RNF130: variants seen among roughly 807,000 people sequenced by gnomAD.
The protein encoded by RNF130 is ring finger protein 130.
RNF130 carries 21 observed loss-of-function variants against 44.6 expected under a neutral mutation model. The observed-to-expected ratio is 0.47, with a 90% CI of 0.33 to 0.68. The LOEUF is 0.68. Among genes scored for constraint, RNF130 ranks in the 30% least tolerant of loss-of-function variants. The probability of loss-of-function intolerance (pLI) is 0.02; values close to 1 mark genes in which losing one functional copy is unlikely to be tolerated. For missense variants in RNF130, 479 were observed against 560.6 expected, an observed-to-expected ratio of 0.85 and a Z score of 1.47; for synonymous variants, 214 against 210.4, an observed-to-expected ratio of 1.02 and a Z score of -0.15.
intron 7 of RNF130, among the ~76,000 whole-genome samples, chr5:179,946,704 C>T (rs371975250): frequency 6.6e-6 from 1 of 152,026 alleles, no homozygotes; most frequent in Non-Finnish European, 1.5e-5. Flanking sequence ...CAGGCGCCCG[C>T]CACCACGCCC....
intron 1 of RNF130, among the ~76,000 whole-genome samples, chr5:180,055,253 AAAAAAAAAAAAAAAAAAAAAAAAAAAAC>A (rs1296109125): frequency 2.8e-5 from 1 of 36,194 alleles, no homozygotes; most frequent in Non-Finnish European, 5.5e-5. Flanking sequence ...TGTCTCAAAA[AAAAAAAAAAAAAAAAAAAAAAAAAAAAC>A]AAAAAAAAAC....
chr5:179,942,117 TAG>T (rs957335150), intron 7 of RNF130, among the ~76,000 whole-genome samples: 5 of 139,802 alleles, frequency 3.6e-5, no homozygotes, highest in Admixed American at 3.2e-4. Context: ...CTATTCTAAT[TAG>T]AGTCACTAAT....
intron 1 of RNF130, among the ~76,000 whole-genome samples, chr5:180,049,727 AT>A (rs2113157030): frequency 6.6e-6 from 1 of 152,256 alleles, no homozygotes; most frequent in Non-Finnish European, 1.5e-5. Flanking sequence ...CGCTTAGTCT[AT>A]TTGCATATGT....
At chr5:180,013,382 G>C in intron 2 of RNF130, 71 bp from the exon 3 acceptor site, 4 of 1,325,760 alleles carry the variant, frequency 3.0e-6, no homozygotes, top group Non-Finnish European at 4.1e-6. Flanking sequence ...GTATCAACAC[G>C]CTACTTAGGT....
At chr5:180,035,874 T>C (rs1764237653) in intron 2 of RNF130, among the ~76,000 whole-genome samples, 1 of 152,246 alleles carries the variant, frequency 6.6e-6, no homozygotes, top group Non-Finnish European at 1.5e-5. Context: ...TTTTATGTTC[T>C]TTACTGAGAA....
chr5:179,975,018 C>A (rs1429140056), intron 5 of RNF130, among the ~76,000 whole-genome samples: 1 of 152,224 alleles, frequency 6.6e-6, no homozygotes, highest in Non-Finnish European at 1.5e-5. Flanking sequence ...AACACACCTG[C>A]AGGTGCTGCT....
intron 8 of RNF130, among the ~76,000 whole-genome samples, chr5:179,961,242 C>G (rs1433405635): frequency 1.3e-5 from 2 of 152,288 alleles, no homozygotes; most frequent in African/African-American, 2.4e-5. Context: ...ACAACATGCA[C>G]GCACACACAC....
exon 8 of RNF130, chr5:179,916,540 G>A (rs1761548128): frequency 6.6e-6 from 1 of 152,224 alleles, no homozygotes; most frequent in Non-Finnish European, 1.5e-5. Flanking sequence ...AATATCATCA[G>A]ACTCACTGGC....
At chr5:179,915,689 C>T (rs1238836906) in exon 8 of RNF130, 1 of 152,324 alleles carries the variant, frequency 6.6e-6, no homozygotes, top group Admixed American at 6.6e-5. Flanking sequence ...GCCTCCCTGA[C>T]CCCCAGTGCG....
chr5:180,071,545 G>A lies in RNF130; in HGVS notation c.158C>T (p.Thr53Met). 2.8e-6 allele frequency: 4 copies of A among 1,412,538 alleles called. No individual in the cohort carries two copies. The highest frequency in any genetic ancestry group is 3.7e-6 in the Non-Finnish European group (4 of 1,074,638). The allele number at this position is 1,412,538 out of a possible 1,614,324, so 87.5% of individuals were successfully genotyped here. ...VQEPGRGAPL[T>M]FRIDRGRYGL... The stretch of plus-strand genomic sequence containing the variant: ...GTAGCGCCCGCGGTCGATGCGAAAC[G>A]TGAGCGGGGCGCCGCGGCCGGGCTC... The change falls in exon 1 of 9, where the codon ACG becomes ATG. Residue 53 changes from threonine (T) to methionine (M), a missense_variant. Coordinates refer to ENST00000521389, the MANE Select transcript of RNF130 (RefSeq NM_018434.6).
At position 179,955,184 on chromosome 5, in the gene RNF130, T is replaced by G. The variant is rs907412159; in HGVS notation, c.*470A>C. ...GCTGCTGGGGGTGCTGCAGCTCTGG[T>G]GGAGGCTGATCAACCACAGAGAAGA... On this transcript the variant is annotated 3_prime_UTR_variant, in exon 9 of 9. Coordinates refer to ENST00000521389, the MANE Select transcript of RNF130 (RefSeq NM_018434.6). 2 of 153,562 alleles carry G rather than the reference T, an allele frequency of 1.3e-5. No homozygotes were observed. The highest frequency in any genetic ancestry group is 1.4e-5 in the Non-Finnish European group (1 of 69,040). 9.5% of individuals were successfully genotyped at this position (153,562 alleles called of 1,614,324 possible).
chr5:179,957,978 C>G (rs1278216948), intron 8 of RNF130, among the ~76,000 whole-genome samples: 1 of 151,032 alleles, frequency 6.6e-6, no homozygotes, highest in African/African-American at 2.4e-5. Context: ...CCCGGGTTCA[C>G]GCCATTCTCC....
chr5:180,018,624 T>C (rs999717050), intron 2 of RNF130, among the ~76,000 whole-genome samples: 5 of 152,206 alleles, frequency 3.3e-5, no homozygotes, highest in Admixed American at 6.5e-5. Context: ...CTACTTGTAT[T>C]ATTACTCACA....
rs931049937 is a variant in RNF130, at chr5:179,977,793, A to G, written c.848+410T>C. Among the ~76,000 whole-genome samples the G allele has an allele frequency of 6.6e-5, 10 of 152,190 alleles. No homozygotes were observed. The highest frequency in any genetic ancestry group is 1.9e-4 in the African/African-American group (8 of 41,466). ...CATGAACCCAGGAGGCGGAGCTTGC[A>G]GTGAGCCGAGATTGCGCCACTGCAC... On this transcript the variant is annotated intron_variant, in intron 5 of 8. Coordinates refer to ENST00000521389, the MANE Select transcript of RNF130 (RefSeq NM_018434.6). The surrounding 1 kb of genome is among the most constrained non-coding windows in gnomAD (Gnocchi z 4.1).
At chr5:179,965,519 T>C (rs1255896835) in intron 7 of RNF130, among the ~76,000 whole-genome samples, 3 of 152,236 alleles carry the variant, frequency 2.0e-5, no homozygotes, top group African/African-American at 7.2e-5. Context: ...GTACTTAATG[T>C]AGTAAGTAGT....
intron 7 of RNF130, chr5:179,963,805 CCT>C (rs1270180151): frequency 1.9e-6 from 1 of 525,954 alleles, no homozygotes; most frequent in African/African-American, 1.9e-5. Context: ...CCATTTAGGT[CCT>C]GAGGTCTGTG....
At chr5:180,046,367 G>A (rs1232365479) in intron 1 of RNF130, among the ~76,000 whole-genome samples, 3 of 152,062 alleles carry the variant, frequency 2.0e-5, no homozygotes, top group African/African-American at 7.2e-5. Context: ...GAGCGAGCAG[G>A]GGCTGCTAGC....
At position 180,003,046 on chromosome 5, in the gene RNF130, T is replaced by C. The variant is rs138344638; in HGVS notation, c.693+10015A>G. Among the ~76,000 whole-genome samples the C allele has an allele frequency of 1.4e-3, 215 of 152,216 alleles. No homozygotes were observed. The East Asian group carries it at 0.019, about 13-fold the overall frequency. ...AAAAGTTCCTGATGCTATTTGAGGC[T>C]TGGAGAATTAAAATCTTGCCTCCAC... On this transcript the variant is annotated intron_variant, in intron 3 of 8. Coordinates refer to ENST00000521389, the MANE Select transcript of RNF130 (RefSeq NM_018434.6).
intron 1 of RNF130, among the ~76,000 whole-genome samples, chr5:180,052,338 GT>G (rs1241828552): frequency 6.6e-6 from 1 of 152,054 alleles, no homozygotes; most frequent in Admixed American, 6.6e-5. Context: ...CCAGTGTAGA[GT>G]TCTGGCTAAC....
Sources: gnomAD v4.1 joint callset for allele counts (sites outside exome capture counted in the v4.1 genomes callset) on GRCh38, gnomAD v4.1.1 for gene constraint, Gnocchi (gnomAD v3.1) non-coding constraint, MANE v1.5 for transcripts, NCBI Gene and HGNC (gene_info 2026-07-23, HGNC 2026-07-21) for gene names.